Variants in ARHGEF3 observed in about 807,000 individuals in gnomAD.
ARHGEF3 encodes the protein Rho guanine nucleotide exchange factor 3.
ARHGEF3 carries 28 observed loss-of-function variants against 63.2 expected under a neutral mutation model. That is an observed-to-expected ratio of 0.44 (90% CI 0.33 to 0.61). The LOEUF (loss-of-function observed/expected upper bound fraction) is 0.61, where lower values mean the gene tolerates loss of function less well. ARHGEF3 is among the 20% of genes least tolerant of loss of function. ARHGEF3 has a pLI of 0.03. For missense variants in ARHGEF3, 533 were observed against 659.3 expected, an observed-to-expected ratio of 0.81 and a Z score of 2.10; for synonymous variants, 266 against 254.2, an observed-to-expected ratio of 1.05 and a Z score of -0.44.
chr3:56,846,973 C>G (rs1375732113), intron 4 of ARHGEF3, among the ~76,000 whole-genome samples: 1 of 152,224 alleles, frequency 6.6e-6, no homozygotes, highest in Non-Finnish European at 1.5e-5. Context: ...CACAAACAAT[C>G]TTACTTGATG....
At chr3:57,002,772 C>A (rs1702306426) in intron 2 of ARHGEF3, among the ~76,000 whole-genome samples, 1 of 140,634 alleles carries the variant, frequency 7.1e-6, no homozygotes, top group Non-Finnish European at 1.6e-5. Flanking sequence ...AGTTCTATTT[C>A]TTTTCTTTTT....
intron 3 of ARHGEF3, among the ~76,000 whole-genome samples, chr3:56,951,637 T>C (rs1283243749): frequency 6.6e-6 from 1 of 151,980 alleles, no homozygotes; most frequent in East Asian, 1.9e-4. Context: ...TATTATTAGT[T>C]AGAATGCACA....
chr3:56,812,824 C>A (rs2038117265), intron 4 of ARHGEF3, among the ~76,000 whole-genome samples: 1 of 152,192 alleles, frequency 6.6e-6, no homozygotes, highest in Non-Finnish European at 1.5e-5. Flanking sequence ...AGCTGCTCCA[C>A]CAAAGGGGAG....
intron 4 of ARHGEF3, among the ~76,000 whole-genome samples, chr3:56,837,321 G>A (rs189952567): frequency 2.0e-5 from 3 of 152,266 alleles, no homozygotes; most frequent in African/African-American, 4.8e-5. Flanking sequence ...AAAAGAGCAC[G>A]GTTGACCGAG....
chr3:56,864,910 G>A (rs1011344758), intron 4 of ARHGEF3, among the ~76,000 whole-genome samples: 8 of 152,060 alleles, frequency 5.3e-5, no homozygotes, highest in African/African-American at 1.9e-4. Flanking sequence ...TCAAGAACAT[G>A]AGACCTTCAG....
intron 2 of ARHGEF3, among the ~76,000 whole-genome samples, chr3:56,987,974 G>A (rs1465125258): frequency 6.6e-6 from 1 of 152,188 alleles, no homozygotes; most frequent in African/African-American, 2.4e-5. Flanking sequence ...CCACAAATGG[G>A]TGACAGACAG....
intron 4 of ARHGEF3, among the ~76,000 whole-genome samples, chr3:56,838,700 G>A (rs1259049182): frequency 6.6e-6 from 1 of 152,164 alleles, no homozygotes; most frequent in Admixed American, 6.5e-5. Flanking sequence ...GAAATACTAT[G>A]ACGAGCTGAC....
At chr3:56,781,892 G>A (rs1415532962) in intron 1 of ARHGEF3, among the ~76,000 whole-genome samples, 1 of 152,166 alleles carries the variant, frequency 6.6e-6, no homozygotes, top group African/African-American at 2.4e-5. Context: ...AGTCAAGAGA[G>A]TCAGTGTCAG....
chr3:56,946,065 G>T (rs1026726621), intron 3 of ARHGEF3, among the ~76,000 whole-genome samples: 4 of 152,190 alleles, frequency 2.6e-5, no homozygotes, highest in African/African-American at 9.7e-5. Flanking sequence ...GCAGCTGAGG[G>T]TCCTGACTGT....
At chr3:56,932,634 C>T (rs536197136) in intron 3 of ARHGEF3, among the ~76,000 whole-genome samples, 1 of 152,256 alleles carries the variant, frequency 6.6e-6, no homozygotes, top group Non-Finnish European at 1.5e-5. Flanking sequence ...CTGGTGACTT[C>T]TGTGGGATAG....
At chr3:56,743,427 G>A (rs2034174665) in intron 7 of ARHGEF3, among the ~76,000 whole-genome samples, 1 of 151,688 alleles carries the variant, frequency 6.6e-6, no homozygotes, top group Non-Finnish European at 1.5e-5. Context: ...AGGATTTGGA[G>A]TCTACACTGA....
intron 3 of ARHGEF3, among the ~76,000 whole-genome samples, chr3:56,921,687 A>T (rs889494216): frequency 4.6e-5 from 7 of 152,192 alleles, no homozygotes; most frequent in Admixed American, 3.3e-4. Context: ...GGCCTATTGG[A>T]CTCAAGGTGG....
At chr3:57,048,858 G>A in intron 1 of ARHGEF3, among the ~76,000 whole-genome samples, 1 of 152,158 alleles carries the variant, frequency 6.6e-6, no homozygotes, top group Admixed American at 6.5e-5. Flanking sequence ...TGGTGACCTG[G>A]CACCAAGAAA....
intron 4 of ARHGEF3, among the ~76,000 whole-genome samples, chr3:56,815,803 T>C (rs1357978866): frequency 1.3e-5 from 2 of 152,370 alleles, no homozygotes; most frequent in Admixed American, 6.5e-5. Flanking sequence ...GTTCCTTCAG[T>C]GGACCAAGTC....
chr3:57,074,484 T>G (rs2107419233), intron 1 of ARHGEF3: 1 of 586,674 alleles, frequency 1.7e-6, no homozygotes, highest in African/African-American at 1.9e-5. Flanking sequence ...GTTAAGTTAC[T>G]GGCACAAGGT....
At chr3:56,939,587 A>G (rs1699074780) in intron 3 of ARHGEF3, among the ~76,000 whole-genome samples, 1 of 152,188 alleles carries the variant, frequency 6.6e-6, no homozygotes, top group African/African-American at 2.4e-5. Context: ...AGGACCTGCT[A>G]TTATTTTGAT....
At chr3:57,063,403 A>T (rs1259755033) in intron 1 of ARHGEF3, among the ~76,000 whole-genome samples, 1 of 152,174 alleles carries the variant, frequency 6.6e-6, no homozygotes, top group Non-Finnish European at 1.5e-5. Context: ...GTTGAGAACA[A>T]GCTGAAAGGA....
chr3:56,875,566 C>T (rs2040560323), intron 4 of ARHGEF3, among the ~76,000 whole-genome samples: 1 of 152,142 alleles, frequency 6.6e-6, no homozygotes, highest in Non-Finnish European at 1.5e-5. Context: ...CCTTCTGTAC[C>T]CGAGTGATTG....
chr3:57,069,790 A>G (rs540883037), intron 1 of ARHGEF3, among the ~76,000 whole-genome samples: 37 of 152,258 alleles, frequency 2.4e-4, no homozygotes, highest in Middle Eastern at 3.4e-3. Flanking sequence ...GACTACAGAC[A>G]TGTGCCGTCA....
Sources: gnomAD v4.1 joint callset for allele counts (sites outside exome capture counted in the v4.1 genomes callset) on GRCh38, gnomAD v4.1.1 for gene constraint, MANE v1.5 for transcripts, NCBI Gene and HGNC (gene_info 2026-07-23, HGNC 2026-07-21) for gene names.